Variants in SHISA9 observed in about 807,000 individuals in gnomAD.
SHISA9 encodes the protein protein shisa-9.
A neutral mutation model predicts 38.0 loss-of-function variants in SHISA9; 13 were observed. The ratio of observed to expected loss-of-function variants is 0.34; its 90% CI spans 0.22 to 0.54. SHISA9 has a LOEUF of 0.54. Ranked by LOEUF, SHISA9 falls within the 20% of genes least tolerant of loss-of-function variation. The probability of loss-of-function intolerance (pLI) is 0.91; values close to 1 mark genes in which losing one functional copy is unlikely to be tolerated. For synonymous variants in SHISA9, 275 were observed against 242.0 expected (o/e 1.14, Z -1.27); for missense variants, 538 against 575.8 (o/e 0.93, Z 0.67).
chr16:13,174,270 C>T lies in SHISA9; in HGVS notation c.692-29124C>T, dbSNP rs543233676. 2.6e-4 allele frequency among the ~76,000 whole-genome samples: 40 copies of T among 152,232 alleles called. No individual in the cohort carries two copies. The South Asian group carries it at 8.1e-3, about 31-fold the overall frequency. On this transcript the variant is annotated intron_variant, in intron 2 of 4. Transcript: ENST00000558583. ...TCCAGCCTCCTGTTTGTTTACCCAA[C>T]AAAAACATGACTCTCCTCTGGTCCT...
chr16:12,998,801 G>C (rs1403883726), intron 2 of SHISA9, among the ~76,000 whole-genome samples: 1 of 152,146 alleles, frequency 6.6e-6, no homozygotes, highest in Non-Finnish European at 1.5e-5. Flanking sequence ...AACTTAATGA[G>C]TATTTATGTC....
chr16:13,240,666 A>T (rs1480154379), downstream of SHISA9, among the ~76,000 whole-genome samples: 1 of 152,244 alleles, frequency 6.6e-6, no homozygotes, highest in South Asian at 2.1e-4. Flanking sequence ...TTAGAAATCT[A>T]TTGTTGCTAG....
At chr16:12,996,378 C>T (rs1327114850) in intron 2 of SHISA9, among the ~76,000 whole-genome samples, 1 of 152,156 alleles carries the variant, frequency 6.6e-6, no homozygotes, top group Non-Finnish European at 1.5e-5. Context: ...GCAGCTGTCC[C>T]CTTTAAACAG....
At chr16:13,287,177 A>G in the SHISA9 span, among the ~76,000 whole-genome samples, 3 of 152,198 alleles carry the variant, frequency 2.0e-5, no homozygotes, top group Non-Finnish European at 4.4e-5. Context: ...ACGCTATCAC[A>G]TAAGAACCCA....
At chr16:13,230,143 GT>G (rs2051317682) in intron 4 of SHISA9, among the ~76,000 whole-genome samples, 1 of 152,202 alleles carries the variant, frequency 6.6e-6, no homozygotes, top group African/African-American at 2.4e-5. Flanking sequence ...AGGCAGGTTG[GT>G]TTGGATGAAT....
chr16:13,305,308 G>A, the SHISA9 span, among the ~76,000 whole-genome samples: 40 of 152,302 alleles, frequency 2.6e-4, no homozygotes, highest in Non-Finnish European at 4.7e-4. Context: ...AAATTTCGGA[G>A]CATTTCAAAT....
At chr16:13,514,453 T>C in the SHISA9 span, among the ~76,000 whole-genome samples, 473 of 152,236 alleles carry the variant, frequency 3.1e-3, 2 homozygotes, top group African/African-American at 0.011. Context: ...AAAAGAATAT[T>C]ATAAGTGTAT....
the SHISA9 span, among the ~76,000 whole-genome samples, chr16:13,278,118 GT>G: frequency 6.6e-6 from 1 of 151,840 alleles, no homozygotes; most frequent in African/African-American, 2.4e-5. Flanking sequence ...GAGAGTTTTA[GT>G]CATAAAGTGA....
intron 2 of SHISA9, among the ~76,000 whole-genome samples, chr16:12,921,894 G>A (rs2071333655): frequency 6.6e-6 from 1 of 152,214 alleles, no homozygotes; most frequent in Admixed American, 6.5e-5. Context: ...GACTTACACA[G>A]ATAACATTAT....
At chr16:13,034,992 C>T (rs1875388) in intron 2 of SHISA9, among the ~76,000 whole-genome samples, 4 of 152,060 alleles carry the variant, frequency 2.6e-5, no homozygotes, top group Non-Finnish European at 2.9e-5. Flanking sequence ...TAATAAAATG[C>T]TTTTTTTAAA....
At chr16:13,139,384 C>CCCTTCCTTCTTTCCTT (rs1555465040) in intron 2 of SHISA9, among the ~76,000 whole-genome samples, 2 of 86,866 alleles carry the variant, frequency 2.3e-5, no homozygotes, top group African/African-American at 1.2e-4. Context: ...CTCCGTCCCT[C>CCCTTCCTTCTTTCCTT]CCTTCCTTCT....
chr16:13,444,794 C>G, the SHISA9 span, among the ~76,000 whole-genome samples: 1 of 151,336 alleles, frequency 6.6e-6, no homozygotes. Flanking sequence ...TCCCTCTTCC[C>G]TCCCTCTTCC....
chr16:13,092,128 C>G (rs1030120111), intron 2 of SHISA9, among the ~76,000 whole-genome samples: 13 of 152,232 alleles, frequency 8.5e-5, no homozygotes, highest in Admixed American at 7.9e-4. Context: ...GTATCACCAC[C>G]AGAGGCTGAA....
the SHISA9 span, among the ~76,000 whole-genome samples, chr16:13,258,863 G>A: frequency 6.6e-5 from 10 of 152,200 alleles, no homozygotes; most frequent in South Asian, 2.1e-4. Flanking sequence ...TAGGAGATAC[G>A]ATTCAAGTTA....
chr16:13,179,318 A>G (rs1474765302), intron 2 of SHISA9, among the ~76,000 whole-genome samples: 3 of 150,668 alleles, frequency 2.0e-5, no homozygotes, highest in Non-Finnish European at 1.5e-5. Flanking sequence ...TCTCAATAAA[A>G]CAAAAACAAA....
chr16:13,281,193 A>G, the SHISA9 span, among the ~76,000 whole-genome samples: 2 of 151,780 alleles, frequency 1.3e-5, no homozygotes, highest in Non-Finnish European at 1.5e-5. Flanking sequence ...CAACTTACCC[A>G]AAGTTATACA....
chr16:13,121,624 A>G (rs1381462074), intron 2 of SHISA9, among the ~76,000 whole-genome samples: 1 of 152,194 alleles, frequency 6.6e-6, no homozygotes, highest in East Asian at 1.9e-4. Flanking sequence ...ACAAATAATT[A>G]TTCTTAATAT....
chr16:12,963,869 A>C (rs1262805368), intron 2 of SHISA9, among the ~76,000 whole-genome samples: 1 of 152,216 alleles, frequency 6.6e-6, no homozygotes, highest in Admixed American at 6.5e-5. Flanking sequence ...TAAAGCAAGC[A>C]TTTTTACATG....
chr16:13,112,851 C>G (rs2073993088), intron 2 of SHISA9, among the ~76,000 whole-genome samples: 1 of 152,142 alleles, frequency 6.6e-6, no homozygotes, highest in Admixed American at 6.5e-5. Flanking sequence ...GAAACTAAAT[C>G]CGGTGTCACT....
Sources: gnomAD v4.1 joint callset for allele counts (sites outside exome capture counted in the v4.1 genomes callset) on GRCh38, gnomAD v4.1.1 for gene constraint, MANE v1.5 for transcripts, NCBI Gene and HGNC (gene_info 2026-07-23, HGNC 2026-07-21) for gene names.